The following ROBO2 variants were observed in gnomAD, a reference collection of about 807,000 sequenced individuals.
The protein encoded by ROBO2 is roundabout homolog 2.
A neutral mutation model predicts 160.8 loss-of-function variants in ROBO2; 53 were observed. The ratio of observed to expected loss-of-function variants is 0.33; its 90% CI spans 0.26 to 0.41. The LOEUF (loss-of-function observed/expected upper bound fraction) is 0.41, where lower values mean the gene tolerates loss of function less well. Among genes scored for constraint, ROBO2 ranks in the 10% least tolerant of loss-of-function variants. ROBO2 has a pLI of 1.00. For missense variants in ROBO2, 1,577 were observed against 1,722.4 expected (o/e 0.92, Z 1.49); for synonymous variants, 664 against 611.7 (o/e 1.09, Z -1.26).
chr3:76,665,997 A>AAT (rs1375905595), intron 2 of ROBO2, among the ~76,000 whole-genome samples: 1 of 122,450 alleles, frequency 8.2e-6, no homozygotes, highest in Non-Finnish European at 1.8e-5. Flanking sequence ...TAATATATAT[A>AAT]ATATATAATA....
intron 2 of ROBO2, among the ~76,000 whole-genome samples, chr3:76,980,362 A>G (rs2060033382): frequency 6.6e-6 from 1 of 152,200 alleles, no homozygotes; most frequent in Admixed American, 6.5e-5. Context: ...AGGAAGCATC[A>G]GCTACTGTAT....
intron 2 of ROBO2, among the ~76,000 whole-genome samples, chr3:77,152,343 A>T (rs1233819095): frequency 6.6e-6 from 1 of 152,246 alleles, no homozygotes; most frequent in Non-Finnish European, 1.5e-5. Context: ...CCCAAATTTT[A>T]TATCAATAGG....
intron 2 of ROBO2, among the ~76,000 whole-genome samples, chr3:76,793,930 T>A (rs1364570733): frequency 6.6e-6 from 1 of 151,994 alleles, no homozygotes; most frequent in Non-Finnish European, 1.5e-5. Context: ...CTATTTGATT[T>A]TTTTGAAGAG....
In ROBO2 at chr3:77,091,980, AAAATAAATAAATAAATAAAT is replaced by A. The variant is rs147580308; in HGVS notation, c.62-6006_62-5987del. 5 of 143,712 alleles carry A rather than the reference AAAATAAATAAATAAATAAAT, an allele frequency of 3.5e-5. 1 individual carries two copies. Among genetic ancestry groups the A allele is most frequent in the South Asian group, 4.5e-4 (2 of 4,456 alleles). 8.9% of individuals were successfully genotyped at this position (143,712 alleles called of 1,614,324 possible). A position where few individuals can be genotyped will look rare whatever the true frequency, so the allele number is the denominator to read the frequency against. On this transcript the variant is annotated intron_variant, in intron 1 of 25. Transcript: ENST00000461745. ...GAGTGACAGAGTGAGTCTCTGACTC[AAAATAAATAAATAAATAAAT>A]AAATAAATAAATAAATAAATAAATA...
chr3:76,414,364 T>C (rs2075648824), intron 2 of ROBO2, among the ~76,000 whole-genome samples: 1 of 152,150 alleles, frequency 6.6e-6, no homozygotes, highest in African/African-American at 2.4e-5. Context: ...TGTTTACTGC[T>C]AGAGTTCAGT....
chr3:76,052,751 AT>A (rs748929442), intron 2 of ROBO2, among the ~76,000 whole-genome samples: 1 of 151,990 alleles, frequency 6.6e-6, no homozygotes, highest in Non-Finnish European at 1.5e-5. Context: ...ATAATCTAAC[AT>A]TCATATCTTC....
intron 2 of ROBO2, among the ~76,000 whole-genome samples, chr3:76,016,747 C>T (rs1035741564): frequency 1.3e-5 from 2 of 152,020 alleles, no homozygotes; most frequent in Non-Finnish European, 2.9e-5. Flanking sequence ...GGTGGGGACT[C>T]GTCTGCACCT....
chr3:76,419,528 C>T (rs1326282046), intron 2 of ROBO2, among the ~76,000 whole-genome samples: 8 of 151,830 alleles, frequency 5.3e-5, no homozygotes, highest in Admixed American at 5.2e-4. Context: ...TTATTCAGGG[C>T]AATCAAGATC....
At chr3:76,942,546 G>T (rs1248260078) in intron 2 of ROBO2, among the ~76,000 whole-genome samples, 1 of 152,088 alleles carries the variant, frequency 6.6e-6, no homozygotes, top group Admixed American at 6.5e-5. Context: ...AGCTGCTCGT[G>T]GAAAAGCAGA....
At chr3:75,983,593 T>C (rs1559804493) in intron 2 of ROBO2, among the ~76,000 whole-genome samples, 1 of 151,378 alleles carries the variant, frequency 6.6e-6, no homozygotes, top group Admixed American at 6.6e-5. Context: ...GCCCCTTACA[T>C]TGCCAGTTTC....
At chr3:77,230,586 T>C (rs1398723193) in intron 2 of ROBO2, among the ~76,000 whole-genome samples, 1 of 152,246 alleles carries the variant, frequency 6.6e-6, no homozygotes, top group Non-Finnish European at 1.5e-5. Flanking sequence ...TGTTAGGGCA[T>C]ATTACTTTTC....
At chr3:76,418,683 T>A (rs1397583305) in intron 2 of ROBO2, among the ~76,000 whole-genome samples, 2 of 128,258 alleles carry the variant, frequency 1.6e-5, no homozygotes, top group Non-Finnish European at 3.4e-5. Flanking sequence ...TCAACCTGCC[T>A]TTTTTTTTTT....
intron 2 of ROBO2, among the ~76,000 whole-genome samples, chr3:76,809,577 G>T (rs932335974): frequency 6.6e-6 from 1 of 152,120 alleles, no homozygotes; most frequent in African/African-American, 2.4e-5. Flanking sequence ...CAGCACAAAG[G>T]TGCAACTTTA....
At chr3:76,711,692 G>T (rs1212467729) in intron 2 of ROBO2, among the ~76,000 whole-genome samples, 1 of 152,102 alleles carries the variant, frequency 6.6e-6, no homozygotes. Context: ...ATAGCCACAC[G>T]GTGCTGGGCA....
At chr3:76,068,925 T>C (rs1392736389) in intron 2 of ROBO2, among the ~76,000 whole-genome samples, 2 of 152,196 alleles carry the variant, frequency 1.3e-5, no homozygotes, top group African/African-American at 4.8e-5. Context: ...ATATTGTCAA[T>C]TCTGTTTACC....
intron 2 of ROBO2, among the ~76,000 whole-genome samples, chr3:76,612,089 T>C (rs1196803866): frequency 6.6e-6 from 1 of 152,252 alleles, no homozygotes; most frequent in African/African-American, 2.4e-5. Context: ...CACTAATTTC[T>C]AGTTTTATTC....
chr3:76,218,751 T>C (rs931633789), intron 2 of ROBO2, among the ~76,000 whole-genome samples: 10 of 152,190 alleles, frequency 6.6e-5, no homozygotes, highest in Non-Finnish European at 7.4e-5. Context: ...AGGTAATTTA[T>C]AGATTCAATG....
At chr3:77,387,426 A>C (rs2074252640) in intron 2 of ROBO2, among the ~76,000 whole-genome samples, 1 of 152,098 alleles carries the variant, frequency 6.6e-6, no homozygotes, top group Non-Finnish European at 1.5e-5. Flanking sequence ...GGTCGAATCA[A>C]GCACCATGTT....
At chr3:77,155,492 G>A (rs994670441) in intron 2 of ROBO2, among the ~76,000 whole-genome samples, 1 of 151,970 alleles carries the variant, frequency 6.6e-6, no homozygotes, top group East Asian at 1.9e-4. Flanking sequence ...GAAAAGGCGA[G>A]GGAACAGATA....
Sources: gnomAD v4.1 joint callset for allele counts (sites outside exome capture counted in the v4.1 genomes callset) on GRCh38, gnomAD v4.1.1 for gene constraint, MANE v1.5 for transcripts, NCBI Gene and HGNC (gene_info 2026-07-23, HGNC 2026-07-21) for gene names.